KCNJ12: variants seen among roughly 807,000 people sequenced by gnomAD.
The protein encoded by KCNJ12 is potassium inwardly rectifying channel subfamily J member 12.
A neutral mutation model predicts 22.3 loss-of-function variants in KCNJ12; 2 were observed. The observed-to-expected ratio is 0.09, with a 90% CI of 0.04 to 0.28. The LOEUF is 0.28. KCNJ12 is among the 10% of genes least tolerant of loss of function. KCNJ12 has a pLI of 1.00. For synonymous variants in KCNJ12, 117 were observed against 261.4 expected (o/e 0.45, Z 5.33); for missense variants, 155 against 633.3 (o/e 0.24, Z 8.11).
rs78952493 is a variant in KCNJ12, at chr17:21,419,842, C to T, written c.*3198C>T. On this transcript the variant is annotated 3_prime_UTR_variant, in exon 3 of 3. Transcript: ENST00000583088. ...TAAAGACGTAGGCGATGAGACTAGA[C>T]CACATTAAATGCATTTTGATCTCTT... 1 of 167,586 alleles carries T rather than the reference C, an allele frequency of 6.0e-6. No homozygotes were observed. Among genetic ancestry groups the T allele is most frequent in the Non-Finnish European group, 1.5e-5 (1 of 68,292 alleles). The allele number at this position is 167,586 out of a possible 1,614,324, so 10.4% of individuals were successfully genotyped here. A position where few individuals can be genotyped will look rare whatever the true frequency, so the allele number is the denominator to read the frequency against.
chr17:21,399,999 A>G (rs1268386382), intron 1 of KCNJ12, among the ~76,000 whole-genome samples: 2 of 152,034 alleles, frequency 1.3e-5, no homozygotes, highest in Admixed American at 6.6e-5. Flanking sequence ...GCAAAGCGGT[A>G]TGGGGTCAGA....
In KCNJ12 at chr17:21,391,097, A is replaced by G. The variant is rs543278800; in HGVS notation, c.-179+14184A>G. ...TGTGGCTGGCTTCCCCATCTCCATC[A>G]TGTCCTCCAGGCTCGGCCCTGGTGT... On this transcript the variant is annotated intron_variant, in intron 1 of 2. Transcript: ENST00000583088. Among the ~76,000 whole-genome samples the G allele has an allele frequency of 4.6e-5, 7 of 152,198 alleles. No individual in the cohort carries two copies. The East Asian group carries it at 1.4e-3, about 29-fold the overall frequency.
At chr17:21,408,879 ATCCACCCATCCT>A (rs1322666492) in intron 2 of KCNJ12, among the ~76,000 whole-genome samples, 10 of 151,648 alleles carry the variant, frequency 6.6e-5, no homozygotes, top group Admixed American at 5.2e-4. Context: ...TCAACCATCC[ATCCACCCATCCT>A]TCCACCCACC....
At chr17:21,383,706 ATCCTAGAGG>A (rs1299562315) in intron 1 of KCNJ12, among the ~76,000 whole-genome samples, 1 of 152,032 alleles carries the variant, frequency 6.6e-6, no homozygotes, top group Non-Finnish European at 1.5e-5. Flanking sequence ...TTCTCAGAGA[ATCCTAGAGG>A]TCCTAGAGGT....
chr17:21,384,774 T>G lies in KCNJ12; in HGVS notation c.-179+7861T>G, dbSNP rs529189359. On this transcript the variant is annotated intron_variant, in intron 1 of 2. Coordinates refer to ENST00000583088, the MANE Select transcript of KCNJ12 (RefSeq NM_021012.5). ...TTTTTTTGTTGTTGTTTGTTTGTTT[T>G]TTTTTTTTTTTGTTTTGAGACGGAG... Among the ~76,000 whole-genome samples the G allele has an allele frequency of 3.4e-4, 51 of 150,260 alleles. No individual in the cohort carries two copies. The East Asian group carries it at 4.1e-3, about 12-fold the overall frequency.
intron 2 of KCNJ12, among the ~76,000 whole-genome samples, chr17:21,409,391 C>G (rs1447934575): frequency 1.3e-5 from 2 of 152,300 alleles, no homozygotes; most frequent in Non-Finnish European, 2.9e-5. Flanking sequence ...TACTGGAGAC[C>G]CTATGAGGAA....
chr17:21,401,156 G>A (rs1905602037), intron 1 of KCNJ12, among the ~76,000 whole-genome samples: 1 of 152,366 alleles, frequency 6.6e-6, no homozygotes, highest in African/African-American at 2.4e-5. Context: ...GCTTTGCCCG[G>A]CCCCCTTGCC....
intron 1 of KCNJ12, among the ~76,000 whole-genome samples, chr17:21,400,230 G>A (rs1158841213): frequency 6.6e-6 from 1 of 152,244 alleles, no homozygotes; most frequent in African/African-American, 2.4e-5. Context: ...TGGGGAGCAA[G>A]CTCCTGGCCT....
rs1423755362 is a variant in KCNJ12, at chr17:21,415,497, A to C, written c.155A>C (p.Gln52Pro). ...CRNRFVKKNG[Q>P]CNIEFANMDE... Reference sequence around the variant, plus strand: ...AACCGCTTCGTCAAGAAGAATGGCCAGTGCAACATTGAGTTCGCCAACATG... The same window carrying C: ...AACCGCTTCGTCAAGAAGAATGGCCCGTGCAACATTGAGTTCGCCAACATG... The change falls in exon 3 of 3, where the codon CAG becomes CCG. Residue 52 changes from glutamine to proline, a missense_variant. Coordinates refer to ENST00000583088, the MANE Select transcript of KCNJ12 (RefSeq NM_021012.5). 6.2e-7 allele frequency: 1 copy of C among 1,614,136 alleles called. No individual in the cohort carries two copies. Among genetic ancestry groups the C allele is most frequent in the Non-Finnish European group, 8.5e-7 (1 of 1,180,068 alleles).
chr17:21,412,455 A>G (rs1222093377), intron 2 of KCNJ12, among the ~76,000 whole-genome samples: 1 of 152,310 alleles, frequency 6.6e-6, no homozygotes, highest in Non-Finnish European at 1.5e-5. Context: ...TGCTCGGAGC[A>G]GGGGCTGGAG....
chr17:21,397,809 C>T (rs371751597), intron 1 of KCNJ12, among the ~76,000 whole-genome samples: 1 of 152,338 alleles, frequency 6.6e-6, no homozygotes, highest in East Asian at 1.9e-4. Flanking sequence ...CCTCCAGCTC[C>T]CCTGGCAGCC....
In KCNJ12 at chr17:21,416,027, C is replaced by T. The variant is rs373382377; in HGVS notation, c.685C>T (p.Arg229Cys). Residue 229 changes from arginine to cysteine, a missense_variant, in exon 3 of 3, where the codon CGC becomes TGC. Physicochemically the swap from Arg to Cys is radical, Grantham distance 180. Transcript: ENST00000583088. The part of the protein sequence containing the change: ...RKSHIVEAHV[R>C]AQLIKPRVTE... ...GAGCCACATTGTGGAGGCCCATGTG[C>T]GCGCGCAGCTCATCAAGCCGCGGGT... 1.2e-6 allele frequency: 2 copies of T among 1,609,748 alleles called. No individual in the cohort carries two copies. The highest frequency in any genetic ancestry group is 1.7e-6 in the Non-Finnish European group (2 of 1,178,336).
intron 1 of KCNJ12, among the ~76,000 whole-genome samples, chr17:21,403,642 C>T (rs1330826479): frequency 6.6e-6 from 1 of 152,256 alleles, no homozygotes. Context: ...GAGTGGGGTC[C>T]AGCTGAGGCC....
At chr17:21,390,747 A>G (rs1567698285) in intron 1 of KCNJ12, among the ~76,000 whole-genome samples, 1 of 152,120 alleles carries the variant, frequency 6.6e-6, no homozygotes, top group Admixed American at 6.5e-5. Context: ...TTGGTTTCAA[A>G]TCTCCTTTGT....
chr17:21,384,965 C>T (rs1357740996), intron 1 of KCNJ12, among the ~76,000 whole-genome samples: 1 of 151,836 alleles, frequency 6.6e-6, no homozygotes, highest in African/African-American at 2.4e-5. Flanking sequence ...TTAGTAGAGA[C>T]GGGGTTTCAC....
At chr17:21,387,310 C>T (rs544204910) in intron 1 of KCNJ12, among the ~76,000 whole-genome samples, 15 of 137,094 alleles carry the variant, frequency 1.1e-4, no homozygotes, top group African/African-American at 3.0e-4. Context: ...GGCGTGGTGG[C>T]AGGCGCCTGT....
chr17:21,388,289 G>A lies in KCNJ12; in HGVS notation c.-179+11376G>A, dbSNP rs868943539. Among the ~76,000 whole-genome samples, 8 of 152,266 alleles carry A rather than the reference G, an allele frequency of 5.3e-5. 1 individual carries two copies. The South Asian group carries it at 1.4e-3, about 28-fold the overall frequency. On this transcript the variant is annotated intron_variant, in intron 1 of 2. Coordinates refer to ENST00000583088, the MANE Select transcript of KCNJ12 (RefSeq NM_021012.5). Reference sequence around the variant, plus strand: ...GGGGAGCAGCGGCCTCGCTTCAGACGCCTGAGCGGGGCGTTGGGAGGACCT... The same window carrying A: ...GGGGAGCAGCGGCCTCGCTTCAGACACCTGAGCGGGGCGTTGGGAGGACCT...
intron 1 of KCNJ12, among the ~76,000 whole-genome samples, chr17:21,380,999 G>A (rs961828587): frequency 6.6e-6 from 1 of 152,212 alleles, no homozygotes; most frequent in South Asian, 2.1e-4. Flanking sequence ...GGGGACCCCC[G>A]CCCAGCCCTC....
chr17:21,397,054 C>G (rs1002646366), intron 1 of KCNJ12, among the ~76,000 whole-genome samples: 40 of 152,228 alleles, frequency 2.6e-4, no homozygotes, highest in African/African-American at 9.4e-4. Context: ...ATATGTGAAA[C>G]AGAGATCCTC....
Sources: gnomAD v4.1 joint callset for allele counts (sites outside exome capture counted in the v4.1 genomes callset) on GRCh38, gnomAD v4.1.1 for gene constraint, MANE v1.5 for transcripts, NCBI Gene and HGNC (gene_info 2026-07-23, HGNC 2026-07-21) for gene names.